Variants in TBL1XR1 observed in about 807,000 individuals in gnomAD.
The protein encoded by TBL1XR1 is F-box-like/WD repeat-containing protein TBL1XR1.
Under a neutral mutation model 66.9 loss-of-function variants are expected in TBL1XR1, and 5 were observed. The observed-to-expected ratio is 0.07, with a 90% CI of 0.04 to 0.16. The LOEUF is 0.16. TBL1XR1 is among the 10% of genes least tolerant of loss of function. TBL1XR1 has a pLI of 1.00. For missense variants in TBL1XR1, 238 were observed against 623.2 expected (o/e 0.38, Z 6.58); for synonymous variants, 210 against 206.0 (o/e 1.02, Z -0.17).
At chr3:177,118,898 T>C (rs1338700721) in intron 1 of TBL1XR1, among the ~76,000 whole-genome samples, 2 of 152,100 alleles carry the variant, frequency 1.3e-5, no homozygotes, top group Non-Finnish European at 2.9e-5. Flanking sequence ...CTCCACATAA[T>C]AACTCAAGAA....
chr3:177,055,455 T>G (rs1717674989), intron 3 of TBL1XR1, among the ~76,000 whole-genome samples: 1 of 151,786 alleles, frequency 6.6e-6, no homozygotes, highest in African/African-American at 2.4e-5. Context: ...TTTTAGCCCC[T>G]GATTTTGCCC....
intron 1 of TBL1XR1, among the ~76,000 whole-genome samples, chr3:177,129,060 G>A (rs1168278568): frequency 6.6e-6 from 1 of 152,106 alleles, no homozygotes; most frequent in Non-Finnish European, 1.5e-5. Flanking sequence ...AATCTTTGAT[G>A]ACATTAAAGT....
chr3:177,182,419 G>GT lies in TBL1XR1; in HGVS notation c.-122+14701dup, dbSNP rs899985654. ...AGAAAACTCTGACAGCAGGAACACA[G>GT]TAAGTTCTAAGGACAATTAATTTGT... On this transcript the variant is annotated intron_variant, in intron 1 of 15. Transcript: ENST00000457928. Among the ~76,000 whole-genome samples the GT allele has an allele frequency of 3.3e-5, 5 of 152,260 alleles. No homozygotes were observed. The East Asian group carries it at 7.7e-4, about 23-fold the overall frequency.
chr3:177,072,256 T>C (rs765717251), intron 2 of TBL1XR1, among the ~76,000 whole-genome samples: 1 of 152,188 alleles, frequency 6.6e-6, no homozygotes, highest in Non-Finnish European at 1.5e-5. Flanking sequence ...TTGGGATCCG[T>C]AGACCCCTGG....
At chr3:177,100,114 C>T (rs1317454446) in intron 1 of TBL1XR1, among the ~76,000 whole-genome samples, 1 of 152,148 alleles carries the variant, frequency 6.6e-6, no homozygotes, top group Non-Finnish European at 1.5e-5. Flanking sequence ...TGGCGCATGG[C>T]TGTGGTCCTA....
At chr3:177,162,061 G>C (rs1404942543) in intron 1 of TBL1XR1, among the ~76,000 whole-genome samples, 1 of 152,186 alleles carries the variant, frequency 6.6e-6, no homozygotes, top group Non-Finnish European at 1.5e-5. Flanking sequence ...AGTTTCTAAA[G>C]TTAAACATAT....
chr3:177,157,338 C>T (rs189095164), intron 1 of TBL1XR1, among the ~76,000 whole-genome samples: 86 of 152,352 alleles, frequency 5.6e-4, no homozygotes, highest in African/African-American at 1.9e-3. Flanking sequence ...TCTTCCAAGC[C>T]AAGAAATGTG....
intron 3 of TBL1XR1, among the ~76,000 whole-genome samples, chr3:177,059,132 C>T (rs1043815259): frequency 4.6e-5 from 7 of 152,196 alleles, no homozygotes; most frequent in African/African-American, 1.2e-4. Flanking sequence ...ACATACCAGA[C>T]GCTGAGCTCT....
intron 1 of TBL1XR1, chr3:177,194,270 G>A (rs1736545279): frequency 6.6e-6 from 1 of 152,180 alleles, no homozygotes; most frequent in South Asian, 2.1e-4. Flanking sequence ...TGAGCATAAA[G>A]TATAAATGTC....
intron 1 of TBL1XR1, among the ~76,000 whole-genome samples, chr3:177,186,864 T>C (rs1452513758): frequency 6.6e-6 from 1 of 152,116 alleles, no homozygotes; most frequent in Non-Finnish European, 1.5e-5. Context: ...GGCTGGCAGA[T>C]CACTTAAAAG....
intron 2 of TBL1XR1, among the ~76,000 whole-genome samples, chr3:177,097,377 T>G (rs564085194): frequency 2.0e-5 from 3 of 152,354 alleles, no homozygotes; most frequent in Admixed American, 1.3e-4. Flanking sequence ...GTAAGAAATT[T>G]TTTTTAAGAG....
intron 2 of TBL1XR1, among the ~76,000 whole-genome samples, chr3:177,065,618 A>G (rs1719054911): frequency 6.6e-6 from 1 of 152,244 alleles, no homozygotes; most frequent in South Asian, 2.1e-4. Flanking sequence ...GACATACTTA[A>G]ACCTTAACAC....
chr3:177,102,665 T>C (rs1724372465), intron 1 of TBL1XR1, among the ~76,000 whole-genome samples: 1 of 152,234 alleles, frequency 6.6e-6, no homozygotes, highest in Non-Finnish European at 1.5e-5. Context: ...CAACATTCTC[T>C]ACTCTCACCA....
chr3:177,056,388 T>C (rs1247558505), intron 3 of TBL1XR1, among the ~76,000 whole-genome samples: 2 of 152,188 alleles, frequency 1.3e-5, no homozygotes, highest in East Asian at 3.8e-4. Flanking sequence ...GTTGCAGATA[T>C]CCTGAATTTG....
chr3:177,146,266 G>GT (rs1276617057), intron 1 of TBL1XR1, among the ~76,000 whole-genome samples: 3 of 152,096 alleles, frequency 2.0e-5, no homozygotes, highest in South Asian at 4.2e-4. Flanking sequence ...GGTTAAGTCA[G>GT]TTTTCTGGCT....
intron 1 of TBL1XR1, among the ~76,000 whole-genome samples, chr3:177,184,143 G>A (rs927161781): frequency 1.3e-5 from 2 of 152,098 alleles, no homozygotes; most frequent in Admixed American, 6.5e-5. Context: ...CCCTTTACTG[G>A]TAAACTAAAT....
At chr3:177,092,931 T>C (rs542761858) in intron 2 of TBL1XR1, among the ~76,000 whole-genome samples, 1 of 152,252 alleles carries the variant, frequency 6.6e-6, no homozygotes, top group Admixed American at 6.5e-5. Flanking sequence ...GTATGACTTC[T>C]ATTCAACATA....
At chr3:177,114,314 A>G (rs1469762928) in intron 1 of TBL1XR1, among the ~76,000 whole-genome samples, 2 of 150,022 alleles carry the variant, frequency 1.3e-5, no homozygotes, top group Non-Finnish European at 2.9e-5. Flanking sequence ...ATGATATATG[A>G]TATATATATG....
intron 1 of TBL1XR1, among the ~76,000 whole-genome samples, chr3:177,158,868 T>C (rs1463042252): frequency 2.0e-5 from 3 of 152,170 alleles, no homozygotes; most frequent in Non-Finnish European, 4.4e-5. Flanking sequence ...ATCATTCTTC[T>C]ATAAACAATA....
Sources: allele counts gnomAD v4.1 joint callset (sites outside exome capture counted in the v4.1 genomes callset), GRCh38; gene constraint gnomAD v4.1.1; transcripts MANE v1.5; gene names NCBI Gene and HGNC (gene_info 2026-07-23, HGNC 2026-07-21).